RAB36: variants seen among roughly 807,000 people sequenced by gnomAD.
The protein encoded by RAB36 is RAB36, member RAS oncogene family, also known as ras-related protein Rab-36.
A neutral mutation model predicts 39.3 loss-of-function variants in RAB36; 33 were observed. The observed-to-expected ratio is 0.84, with a 90% confidence interval of 0.64 to 1.12. The LOEUF (loss-of-function observed/expected upper bound fraction) is 1.12. Ranked by LOEUF, RAB36 falls within the 50% of genes most tolerant of loss-of-function variation. RAB36 has a pLI of 0.00. For missense variants in RAB36, 308 were observed against 355.3 expected, an observed-to-expected ratio of 0.87 and a Z score of 1.07; for synonymous variants, 133 against 140.2, an observed-to-expected ratio of 0.95 and a Z score of 0.36.
rs1403205164 is a variant in RAB36 at position 23,153,022 on chromosome 22, A to G, written c.228-11A>G. ...AGTACACCCCTGTGACGACTTCCTCATCCCCCACAGGTTTTGCAAGAATGT... is the reference window on the plus strand; with the variant it reads ...AGTACACCCCTGTGACGACTTCCTCGTCCCCCACAGGTTTTGCAAGAATGT... On this transcript the variant is annotated splice_polypyrimidine_tract_variant and intron_variant, in intron 4 of 10. Coordinates refer to ENST00000263116, the MANE Select transcript of RAB36 (RefSeq NM_004914.5). 3 of 1,607,106 alleles carry G rather than the reference A, an allele frequency of 1.9e-6. No individual in the cohort carries two copies. Among genetic ancestry groups the G allele is most frequent in the African/African-American group, 2.7e-5 (2 of 74,756 alleles).
In RAB36 at chr22:23,164,095, CG is replaced by C. The variant is rs2071969304; in HGVS notation, c.*2534del. On this transcript the variant is annotated 3_prime_UTR_variant, in exon 11 of 11. Transcript: ENST00000263116. ...TGGTCCACTAAATGCAGCCTGTGGTCGGGCAGACAGCATTGGGGTCCATTAG... is the reference window on the plus strand; with the variant it reads ...TGGTCCACTAAATGCAGCCTGTGGTCGGCAGACAGCATTGGGGTCCATTAG... 1 of 152,276 alleles carries C rather than the reference CG, an allele frequency of 6.6e-6. No homozygotes were observed. Among genetic ancestry groups the C allele is most frequent in the East Asian group, 1.9e-4 (1 of 5,194 alleles). 9.4% of individuals were successfully genotyped at this position (152,276 alleles called of 1,614,324 possible).
At chr22:23,150,536 C>T (rs2071057793) in intron 3 of RAB36, among the ~76,000 whole-genome samples, 1 of 151,986 alleles carries the variant, frequency 6.6e-6, no homozygotes, top group South Asian at 2.1e-4. Context: ...CTCCTGACCT[C>T]GTGATCAGCC....
In RAB36 at chr22:23,146,694, T is replaced by A. The variant is rs1308419469; in HGVS notation, c.69+9T>A. ...TCGCCAGCTTCCCTAAGGTAGAGAG[T>A]CATTACGTCTGCAGTGCTCTCCTGG... On this transcript the variant is annotated intron_variant, in intron 2 of 10. Transcript: ENST00000263116. 6.2e-7 allele frequency: 1 copy of A among 1,613,166 alleles called. No homozygotes were observed. Among genetic ancestry groups the A allele is most frequent in the Admixed American group, 1.7e-5 (1 of 59,990 alleles).
At position 23,165,500 on chromosome 22, in the gene RAB36, C is replaced by T. The variant is rs78717815; in HGVS notation, c.*3936C>T. Reference sequence around the variant, plus strand: ...AGCCACAGAAAGTTTCAGGGCAGAACTGAACAGGTCTCGGGAAGGACACTT... The same window carrying T: ...AGCCACAGAAAGTTTCAGGGCAGAATTGAACAGGTCTCGGGAAGGACACTT... On this transcript the variant is annotated 3_prime_UTR_variant, in exon 11 of 11. Transcript: ENST00000263116. Among the ~76,000 whole-genome samples, 299 of 152,332 alleles carry T rather than the reference C, an allele frequency of 2.0e-3. 2 individuals carry two copies. Among genetic ancestry groups the T allele is most frequent in the African/African-American group, 6.9e-3 (286 of 41,580 alleles).
At chr22:23,147,961 A>G (rs1218865492) in intron 2 of RAB36, among the ~76,000 whole-genome samples, 1 of 152,176 alleles carries the variant, frequency 6.6e-6, no homozygotes, top group African/African-American at 2.4e-5. Flanking sequence ...TTGTTTATAT[A>G]TGCAGAAAAT....
At position 23,161,905 on chromosome 22, in the gene RAB36, G is replaced by T; in HGVS notation, c.*341G>T. 6.2e-6 allele frequency: 2 copies of T among 321,502 alleles called. No individual in the cohort carries two copies. Among genetic ancestry groups the T allele is most frequent in the South Asian group, 3.3e-5 (1 of 30,348 alleles). 19.9% of individuals were successfully genotyped at this position (321,502 alleles called of 1,614,324 possible). A position where few individuals can be genotyped will look rare whatever the true frequency, so the allele number is the denominator to read the frequency against. ...AGGCCTCAGAACTGCAAACTCCTGC[G>T]TCGGTCTATACTACTCGGCCATGGC... On this transcript the variant is annotated 3_prime_UTR_variant, in exon 11 of 11. Transcript: ENST00000263116.
Position 23,148,558 on chromosome 22 carries a change from G to A in RAB36, c.70-1505G>A, listed in dbSNP as rs117726486. ...GGAATCCATCCTGGTTTCACAGGTG[G>A]CATTCTCCCCTCCTGCCCATAATAG... is the stretch of plus-strand genomic sequence containing the variant. On this transcript the variant is annotated intron_variant, in intron 2 of 10. Transcript: ENST00000263116. 1.4e-4 allele frequency among the ~76,000 whole-genome samples: 21 copies of A among 152,300 alleles called. No individual in the cohort carries two copies. In the East Asian group the frequency reaches 3.9e-3, roughly 28 times the overall value.
intron 8 of RAB36, 34 bp from the exon 9 acceptor site, chr22:23,159,128 CG>C (rs1290031993): frequency 3.1e-6 from 5 of 1,601,212 alleles, no homozygotes; most frequent in Non-Finnish European, 3.4e-6. Flanking sequence ...GCAGGAGAGC[CG>C]GGACGCTGGG....
At chr22:23,167,316 C>T (rs1270480992), downstream of RAB36, among the ~76,000 whole-genome samples, 1 of 152,242 alleles carries the variant, frequency 6.6e-6, no homozygotes, top group East Asian at 1.9e-4. Context: ...TTCACTGCCG[C>T]TCCCTGCACC....
At chr22:23,166,872 G>A (rs1011887981), downstream of RAB36, among the ~76,000 whole-genome samples, 2 of 152,168 alleles carry the variant, frequency 1.3e-5, no homozygotes, top group African/African-American at 4.8e-5. Context: ...AAGTCATCCA[G>A]GAGTGGGGTG....
chr22:23,156,318 T>C lies in RAB36; in HGVS notation c.394+286T>C, dbSNP rs77465380. 3.4e-3 allele frequency: 1,138 copies of C among 332,640 alleles called. 12 individuals are homozygous for C. Among genetic ancestry groups the C allele is most frequent in the African/African-American group, 0.024 (1,060 of 44,944 alleles). 20.6% of individuals were successfully genotyped at this position (332,640 alleles called of 1,614,324 possible). A position where few individuals can be genotyped will look rare whatever the true frequency, so the allele number is the denominator to read the frequency against. The stretch of plus-strand genomic sequence containing the variant: ...AAGATGCTCAGAGATGAAAGTGCTT[T>C]TCCAGAGGCTCAGAGAAGGGCAGCA... On this transcript the variant is annotated intron_variant, in intron 6 of 10. Transcript: ENST00000263116.
At chr22:23,149,802 A>G (rs1372543371) in intron 2 of RAB36, among the ~76,000 whole-genome samples, 1 of 152,258 alleles carries the variant, frequency 6.6e-6, no homozygotes, top group Non-Finnish European at 1.5e-5. Context: ...TGCATGCAGC[A>G]AGGGAACTGC....
intron 6 of RAB36, 72 bp from the exon 7 acceptor site, chr22:23,157,920 G>A (rs1015950223): frequency 2.5e-6 from 4 of 1,603,654 alleles, no homozygotes; most frequent in South Asian, 1.1e-5. Context: ...TGGGAGCTGG[G>A]CACCTCCTGG....
intron 2 of RAB36, among the ~76,000 whole-genome samples, 172 bp from the exon 3 acceptor site, chr22:23,149,891 G>T (rs1479284818): frequency 2.0e-5 from 3 of 152,242 alleles, no homozygotes; most frequent in Non-Finnish European, 4.4e-5. Context: ...GAGCCTCAAG[G>T]CTGAGGAAAT....
chr22:23,146,580 G>T, intron 1 of RAB36, 25 bp from the exon 2 acceptor site: 2 of 1,611,746 alleles, frequency 1.2e-6, no homozygotes, highest in Non-Finnish European at 1.7e-6. Flanking sequence ...CTCCTTAACT[G>T]TCTTTCTCCT....
In RAB36 at chr22:23,157,912, G is replaced by A. The variant is rs1267005749; in HGVS notation, c.395-80G>A. On this transcript the variant is annotated intron_variant, in intron 6 of 10. Coordinates refer to ENST00000263116, the MANE Select transcript of RAB36 (RefSeq NM_004914.5). ...GGGGGGCTGCCCTGGCAGTTCCTTG[G>A]GAGCTGGGCACCTCCTGGGGAGCCC... 5.0e-6 allele frequency: 8 copies of A among 1,598,700 alleles called. No homozygotes were observed. The East Asian group carries it at 1.1e-4, about 22-fold the overall frequency.
rs767122131 is a variant in RAB36 at position 23,146,668 on chromosome 22, A to G, written c.52A>G (p.Ile18Val). ...LGPPVSRDRV[I>V]ASFPKWYTPE... ...GCCCCCTGTGAGCCGCGACCGTGTC[A>G]TCGCCAGCTTCCCTAAGGTAGAGAG... The change falls in exon 2 of 11, where the codon ATC (isoleucine) becomes GTC (valine). Residue 18 changes from isoleucine (I) to valine (V), a missense_variant. Coordinates refer to ENST00000263116, the MANE Select transcript of RAB36 (RefSeq NM_004914.5). The G allele has an allele frequency of 6.2e-7, 1 of 1,613,878 alleles. No homozygotes were observed.
chr22:23,161,115 C>T, intron 10 of RAB36, 117 bp downstream of exon 10: 1 of 1,285,458 alleles, frequency 7.8e-7, no homozygotes, highest in African/African-American at 1.5e-5. Context: ...CCTCTCCTGT[C>T]CTTTGACCCT....
In RAB36 at chr22:23,149,962, AG is replaced by A; in HGVS notation, c.70-99del. Reference sequence around the variant, plus strand: ...AATGAGGCTGCCAGCTGTGAGGCCTAGGAAGGAAGGCTGGGAAGATCATCTC... The same window carrying A: ...AATGAGGCTGCCAGCTGTGAGGCCTAGAAGGAAGGCTGGGAAGATCATCTC... On this transcript the variant is annotated intron_variant, in intron 2 of 10. Coordinates refer to ENST00000263116, the MANE Select transcript of RAB36 (RefSeq NM_004914.5). The A allele has an allele frequency of 9.8e-6, 9 of 918,220 alleles. No homozygotes were observed. In the South Asian group the frequency reaches 1.3e-4, roughly 13 times the overall value. The allele number at this position is 918,220 out of a possible 1,614,324, so 56.9% of individuals were successfully genotyped here. A position where few individuals can be genotyped will look rare whatever the true frequency, so the allele number is the denominator to read the frequency against.
Sources: allele counts gnomAD v4.1 joint callset (sites outside exome capture counted in the v4.1 genomes callset), GRCh38; gene constraint gnomAD v4.1.1; transcripts MANE v1.5; gene names NCBI Gene and HGNC (gene_info 2026-07-23, HGNC 2026-07-21).